Variants in CSMD1 observed in about 807,000 individuals in gnomAD.
CSMD1 encodes the protein CUB and sushi domain-containing protein 1.
Under a neutral mutation model 417.5 loss-of-function variants are expected in CSMD1, and 213 were observed. The observed-to-expected ratio is 0.51, with a 90% confidence interval of 0.46 to 0.57. The LOEUF (loss-of-function observed/expected upper bound fraction) is 0.57, where lower values mean the gene tolerates loss of function less well. Among genes scored for constraint, CSMD1 ranks in the 20% least tolerant of loss-of-function variants. The pLI is 0.00. For synonymous variants in CSMD1, 2,862 were observed against 1,736.8 expected (o/e 1.65, Z -16.11); for missense variants, 6,923 against 4,529.7 (o/e 1.53, Z -15.17).
chr8:4,319,973 G>C (rs1585224636), intron 3 of CSMD1, among the ~76,000 whole-genome samples: 2 of 152,130 alleles, frequency 1.3e-5, no homozygotes. Context: ...TACAGGCAGA[G>C]TGGAAAAATA....
At chr8:4,588,806 A>ACACACACACAC (rs1563313415) in intron 2 of CSMD1, among the ~76,000 whole-genome samples, 9 of 150,980 alleles carry the variant, frequency 6.0e-5, no homozygotes, top group South Asian at 2.1e-4. Context: ...ACACACACAC[A>ACACACACACAC]AAAGAAACTC....
intron 2 of CSMD1, among the ~76,000 whole-genome samples, chr8:4,618,980 T>A (rs1801627256): frequency 6.6e-6 from 1 of 152,188 alleles, no homozygotes; most frequent in African/African-American, 2.4e-5. Flanking sequence ...GAAGCTTCAG[T>A]AATACCAGAA....
rs1023926414 is a variant in CSMD1, at chr8:4,168,868, C to G, written c.416-136769G>C. ...GCCTCCACCACAGTTGCTTTAGACA[C>G]GGTGACTGATGATATCAGGACTGCT... On this transcript the variant is annotated intron_variant, in intron 3 of 69. Coordinates refer to ENST00000635120, the MANE Select transcript of CSMD1 (RefSeq NM_033225.6). 4.6e-5 allele frequency among the ~76,000 whole-genome samples: 7 copies of G among 152,210 alleles called. No individual in the cohort carries two copies. The East Asian group carries it at 1.4e-3, about 29-fold the overall frequency.
intron 3 of CSMD1, among the ~76,000 whole-genome samples, chr8:4,179,724 A>G (rs1798249507): frequency 7.5e-6 from 1 of 132,734 alleles, no homozygotes; most frequent in South Asian, 2.8e-4. Context: ...ACTCCAACAA[A>G]TTTACAAGAA....
chr8:4,819,634 T>G (rs937898846), intron 1 of CSMD1, among the ~76,000 whole-genome samples: 5 of 152,214 alleles, frequency 3.3e-5, no homozygotes, highest in African/African-American at 1.2e-4. Flanking sequence ...TATCAAATAC[T>G]CCATCAACAA....
intron 1 of CSMD1, among the ~76,000 whole-genome samples, chr8:4,953,651 G>T (rs1373377405): frequency 6.6e-6 from 1 of 152,118 alleles, no homozygotes; most frequent in East Asian, 1.9e-4. Context: ...GAAGCAGTCA[G>T]AATTAAATGT....
chr8:3,270,390 C>A (rs1187827011), intron 26 of CSMD1, among the ~76,000 whole-genome samples: 1 of 151,748 alleles, frequency 6.6e-6, no homozygotes, highest in Non-Finnish European at 1.5e-5. Context: ...GTTGCTGCCT[C>A]AAGATTATTT....
chr8:4,810,974 G>A (rs548149297), intron 1 of CSMD1, among the ~76,000 whole-genome samples: 1 of 152,176 alleles, frequency 6.6e-6, no homozygotes, highest in Non-Finnish European at 1.5e-5. Flanking sequence ...AGACAAGAAA[G>A]TAAAGAGATA....
chr8:4,036,936 C>A (rs1374249396), intron 3 of CSMD1, among the ~76,000 whole-genome samples: 2 of 150,450 alleles, frequency 1.3e-5, no homozygotes, highest in Non-Finnish European at 2.9e-5. Context: ...TGCCCTGGAT[C>A]CTAGTATGGG....
intron 31 of CSMD1, among the ~76,000 whole-genome samples, chr8:3,204,448 A>G (rs1279701291): frequency 6.6e-6 from 1 of 152,188 alleles, no homozygotes. Flanking sequence ...GGCTAAAGTT[A>G]AATGAGGGAC....
At chr8:3,939,373 T>C (rs898010058) in intron 5 of CSMD1, among the ~76,000 whole-genome samples, 17 of 152,090 alleles carry the variant, frequency 1.1e-4, no homozygotes, top group Non-Finnish European at 2.5e-4. Flanking sequence ...AATGTTGGCA[T>C]GGATATGGTG....
chr8:4,908,548 T>G (rs1380239188), intron 1 of CSMD1, among the ~76,000 whole-genome samples: 1 of 152,134 alleles, frequency 6.6e-6, no homozygotes. Context: ...TTTTCTTTGT[T>G]TTGTGTTTCT....
intron 41 of CSMD1, among the ~76,000 whole-genome samples, chr8:3,130,151 C>A (rs1271725601): frequency 6.6e-6 from 1 of 152,076 alleles, no homozygotes; most frequent in African/African-American, 2.4e-5. Flanking sequence ...ATATTAAGAT[C>A]ATGCTCATTA....
At position 4,819,110 on chromosome 8, in the gene CSMD1, G is replaced by A. The variant is rs113148031; in HGVS notation, c.85+175222C>T. Among the ~76,000 whole-genome samples, 513 of 152,258 alleles carry A rather than the reference G, an allele frequency of 3.4e-3. 8 individuals carry two copies. The highest frequency in any genetic ancestry group is 0.011 in the African/African-American group (473 of 41,562). ...GCATGTCACTTGCTGCTATTCTATC[G>A]AAAAGCAACAGCAGCAGGCAGCTCA... On this transcript the variant is annotated intron_variant, in intron 1 of 69. Coordinates refer to ENST00000635120, the MANE Select transcript of CSMD1 (RefSeq NM_033225.6).
At chr8:4,773,619 G>T (rs548934821) in intron 1 of CSMD1, among the ~76,000 whole-genome samples, 7 of 152,126 alleles carry the variant, frequency 4.6e-5, no homozygotes, top group Non-Finnish European at 5.9e-5. Context: ...AGGAGTGTTT[G>T]TCATCTCCTT....
At chr8:4,117,244 T>TTCC (rs35462300) in intron 3 of CSMD1, among the ~76,000 whole-genome samples, 61,402 of 151,082 alleles carry the variant, frequency 0.41, 12,586 homozygotes, top group South Asian at 0.42. Flanking sequence ...TCTGTCTGCT[T>TTCC]TCCTCTCATC....
At position 3,021,207 on chromosome 8, in the gene CSMD1, A is replaced by C. The variant is rs192280714; in HGVS notation, c.7856-2557T>G. Among the ~76,000 whole-genome samples, 840 of 152,318 alleles carry C rather than the reference A, an allele frequency of 5.5e-3. 8 individuals carry two copies. Among genetic ancestry groups the C allele is most frequent in the Middle Eastern group, 0.024 (7 of 294 alleles). ...TTCTATTGTTGAAGCCTCTGTTAAA[A>C]ATATTCTGGTGACAAAACTATTTTA... On this transcript the variant is annotated intron_variant, in intron 51 of 69. Coordinates refer to ENST00000635120, the MANE Select transcript of CSMD1 (RefSeq NM_033225.6).
At chr8:4,414,208 G>A (rs1391994646) in intron 3 of CSMD1, among the ~76,000 whole-genome samples, 1 of 152,138 alleles carries the variant, frequency 6.6e-6, no homozygotes. Flanking sequence ...AGATCCACAG[G>A]TGTTAAAGAA....
At chr8:4,464,606 TCACG>T (rs1353004709) in intron 2 of CSMD1, among the ~76,000 whole-genome samples, 1 of 152,200 alleles carries the variant, frequency 6.6e-6, no homozygotes, top group Non-Finnish European at 1.5e-5. Context: ...GTTATTACTT[TCACG>T]CTATTGTAAA....
Sources: allele counts gnomAD v4.1 joint callset (sites outside exome capture counted in the v4.1 genomes callset), GRCh38; gene constraint gnomAD v4.1.1; transcripts MANE v1.5; gene names NCBI Gene and HGNC (gene_info 2026-07-23, HGNC 2026-07-21).